The following L3MBTL4 variants were observed in gnomAD, a reference collection of about 807,000 sequenced individuals.
L3MBTL4 encodes L3MBTL histone methyl-lysine binding protein 4, also known as lethal(3)malignant brain tumor-like protein 4.
L3MBTL4 carries 70 observed loss-of-function variants against 84.5 expected under a neutral mutation model. That is an observed-to-expected ratio of 0.83 (90% confidence interval 0.68 to 1.01). The LOEUF (loss-of-function observed/expected upper bound fraction) is 1.01, where lower values mean the gene tolerates loss of function less well. Among genes scored for constraint, L3MBTL4 ranks in the 50% least tolerant of loss-of-function variants. The pLI is 0.00. For synonymous variants in L3MBTL4, 274 were observed against 259.8 expected (o/e 1.05, Z -0.52); for missense variants, 715 against 754.8 (o/e 0.95, Z 0.62).
intron 14 of L3MBTL4, among the ~76,000 whole-genome samples, chr18:6,106,095 G>A (rs924747364): frequency 3.9e-5 from 6 of 152,250 alleles, no homozygotes; most frequent in Non-Finnish European, 7.4e-5. Flanking sequence ...TGAAGGAACT[G>A]GGGTACAGAG....
intron 12 of L3MBTL4, among the ~76,000 whole-genome samples, chr18:6,190,511 C>T (rs960471610): frequency 1.3e-5 from 2 of 152,014 alleles, no homozygotes; most frequent in African/African-American, 2.4e-5. Context: ...ATAATGAGAT[C>T]GATTCAGAAT....
intron 16 of L3MBTL4, among the ~76,000 whole-genome samples, chr18:5,986,430 A>G (rs539855906): frequency 2.7e-4 from 41 of 152,302 alleles, no homozygotes; most frequent in African/African-American, 9.9e-4. Context: ...TTTCGTCTCT[A>G]TGAAGTTTAT....
At chr18:6,161,381 G>A (rs916684645) in intron 13 of L3MBTL4, among the ~76,000 whole-genome samples, 1 of 152,166 alleles carries the variant, frequency 6.6e-6, no homozygotes, top group Non-Finnish European at 1.5e-5. Flanking sequence ...TCATTCTCAA[G>A]AGGCTTTTCC....
chr18:6,072,881 A>ATATAT (rs1364992667), intron 16 of L3MBTL4, among the ~76,000 whole-genome samples: 1 of 20,448 alleles, frequency 4.9e-5, no homozygotes, highest in Non-Finnish European at 8.8e-5. Flanking sequence ...AAAAAAAAAA[A>ATATAT]ATATATATAT....
chr18:6,011,336 A>G (rs1408406632), intron 16 of L3MBTL4, among the ~76,000 whole-genome samples: 2 of 152,212 alleles, frequency 1.3e-5, no homozygotes, highest in East Asian at 3.8e-4. Flanking sequence ...GGATCAAGAG[A>G]TAAAGGTAGA....
chr18:6,165,675 A>G (rs1211128556), intron 13 of L3MBTL4, among the ~76,000 whole-genome samples: 2 of 152,350 alleles, frequency 1.3e-5, no homozygotes, highest in East Asian at 1.9e-4. Context: ...GAGCTCCTGA[A>G]GGAAGCACTA....
At chr18:5,966,796 T>C (rs1392255254) in intron 17 of L3MBTL4, among the ~76,000 whole-genome samples, 1 of 152,222 alleles carries the variant, frequency 6.6e-6, no homozygotes, top group African/African-American at 2.4e-5. Context: ...TCTTTGGGTC[T>C]TTCAGCTCTC....
chr18:5,978,564 T>A (rs551532332), intron 16 of L3MBTL4, among the ~76,000 whole-genome samples: 1 of 152,292 alleles, frequency 6.6e-6, no homozygotes, highest in Non-Finnish European at 1.5e-5. Context: ...TTGAAGTTTC[T>A]TCTTTTTAGG....
chr18:6,356,071 G>C (rs572140393), intron 1 of L3MBTL4, among the ~76,000 whole-genome samples: 5 of 152,176 alleles, frequency 3.3e-5, no homozygotes, highest in Admixed American at 6.5e-5. Flanking sequence ...CAATGATGCC[G>C]TCAGCTCTCT....
chr18:6,227,703 G>A (rs924448234), intron 10 of L3MBTL4, among the ~76,000 whole-genome samples: 2 of 152,048 alleles, frequency 1.3e-5, no homozygotes, highest in African/African-American at 4.8e-5. Context: ...CACAAATATG[G>A]GTGTTAAAAT....
At chr18:6,314,338 T>C (rs771979182) in intron 1 of L3MBTL4, among the ~76,000 whole-genome samples, 9 of 152,038 alleles carry the variant, frequency 5.9e-5, no homozygotes, top group Non-Finnish European at 1.3e-4. Context: ...TATAAAGTTT[T>C]TAGAGTTAAA....
At chr18:6,316,138 T>C (rs1283009131) in intron 1 of L3MBTL4, among the ~76,000 whole-genome samples, 2 of 151,180 alleles carry the variant, frequency 1.3e-5, no homozygotes, top group East Asian at 3.9e-4. Flanking sequence ...ACGGAGTCCA[T>C]GCCACTCCCC....
intron 12 of L3MBTL4, among the ~76,000 whole-genome samples, chr18:6,175,379 A>G (rs924287493): frequency 6.6e-6 from 1 of 152,150 alleles, no homozygotes; most frequent in Non-Finnish European, 1.5e-5. Context: ...AAATTTTCAG[A>G]TAAACAAAAA....
At chr18:5,961,456 G>C (rs1173172628) in intron 17 of L3MBTL4, among the ~76,000 whole-genome samples, 1 of 152,234 alleles carries the variant, frequency 6.6e-6, no homozygotes, top group Non-Finnish European at 1.5e-5. Flanking sequence ...CAAATGTGAA[G>C]AGTTCAGAAT....
intron 10 of L3MBTL4, among the ~76,000 whole-genome samples, chr18:6,217,422 C>A (rs76308051): frequency 1.3e-5 from 2 of 152,054 alleles, no homozygotes; most frequent in Admixed American, 6.6e-5. Context: ...CTCTGCATTC[C>A]GAATGTGAGG....
intron 16 of L3MBTL4, among the ~76,000 whole-genome samples, chr18:6,018,581 T>C (rs2055106673): frequency 1.3e-5 from 2 of 152,244 alleles, no homozygotes; most frequent in African/African-American, 4.8e-5. Flanking sequence ...GCTGTGGGCA[T>C]ACTGTGTGAT....
chr18:6,346,400 C>T (rs777437032), intron 1 of L3MBTL4, among the ~76,000 whole-genome samples: 3 of 151,536 alleles, frequency 2.0e-5, no homozygotes, highest in Admixed American at 6.6e-5. Context: ...CAAAATCAAG[C>T]GATGACCTAT....
chr18:6,027,876 TG>T (rs1393704544), intron 16 of L3MBTL4, among the ~76,000 whole-genome samples: 4 of 151,828 alleles, frequency 2.6e-5, no homozygotes, highest in African/African-American at 9.6e-5. Context: ...CACTTTTTGA[TG>T]GGGTTGTTTG....
At chr18:6,346,825 G>C (rs1044524806) in intron 1 of L3MBTL4, among the ~76,000 whole-genome samples, 4 of 151,966 alleles carry the variant, frequency 2.6e-5, no homozygotes, top group Admixed American at 2.0e-4. Flanking sequence ...CCCACATCTG[G>C]GCATATATTT....
Sources: gnomAD v4.1 joint callset for allele counts (sites outside exome capture counted in the v4.1 genomes callset) on GRCh38, gnomAD v4.1.1 for gene constraint, MANE v1.5 for transcripts, NCBI Gene and HGNC (gene_info 2026-07-23, HGNC 2026-07-21) for gene names.